CIMAP1D: variants seen among roughly 807,000 people sequenced by gnomAD.
CIMAP1D encodes protein CIMAP1D.
At chr19:464,230 TAGGGGC>T in the CIMAP1D span, 37 of 1,523,886 alleles carry the variant, frequency 2.4e-5, no homozygotes, top group Non-Finnish European at 3.3e-5. Context: ...GTGTAGGCAT[TAGGGGC>T]AGGGGCTGAG....
At chr19:474,561 C>G in the CIMAP1D span, 1 of 1,407,814 alleles carries the variant, frequency 7.1e-7, no homozygotes, top group East Asian at 2.7e-5. Context: ...CCAGAAGCCC[C>G]AGAAGTATGG....
At chr19:479,573 T>C in the CIMAP1D span, among the ~76,000 whole-genome samples, 1 of 125,156 alleles carries the variant, frequency 8.0e-6, no homozygotes, top group African/African-American at 3.4e-5. Context: ...CCCGGCTAAT[T>C]TTTGTATTTT....
At chr19:466,781 ATTG>A in the CIMAP1D span, among the ~76,000 whole-genome samples, 1 of 102,990 alleles carries the variant, frequency 9.7e-6, no homozygotes, top group Non-Finnish European at 1.9e-5. Context: ...GGATGAGTGG[ATTG>A]ATGGATGGGT....
chr19:489,648 C>T, the CIMAP1D span: 373 of 183,442 alleles, frequency 2.0e-3, 1 homozygote, highest in Non-Finnish European at 3.7e-3. Context: ...CCGTGCAGGC[C>T]AGGATCTCCC....
At chr19:478,973 C>CA in the CIMAP1D span, among the ~76,000 whole-genome samples, 2 of 152,338 alleles carry the variant, frequency 1.3e-5, no homozygotes, top group South Asian at 4.1e-4. Flanking sequence ...TGGAGACAGG[C>CA]AGGCAGATAA....
the CIMAP1D span, chr19:467,783 T>C: frequency 6.8e-7 from 1 of 1,470,538 alleles, no homozygotes; most frequent in Non-Finnish European, 9.3e-7. Flanking sequence ...GAGCCCAGAG[T>C]GCTGAGAGTG....
chr19:469,934 C>A, the CIMAP1D span, among the ~76,000 whole-genome samples: 3 of 151,556 alleles, frequency 2.0e-5, no homozygotes, highest in African/African-American at 7.3e-5. Flanking sequence ...ATGAACACAC[C>A]CCAGCTCATC....
the CIMAP1D span, chr19:490,312 C>CACCA: frequency 3.9e-6 from 1 of 257,234 alleles, no homozygotes; most frequent in Non-Finnish European, 7.3e-6. Context: ...GCCGAGATAG[C>CACCA]ACCACTGTAC....
the CIMAP1D span, among the ~76,000 whole-genome samples, chr19:465,802 T>C: frequency 2.3e-5 from 3 of 129,368 alleles, no homozygotes; most frequent in African/African-American, 8.7e-5. Flanking sequence ...GATGGGTAGG[T>C]GGGTGGATGG....
chr19:464,000 G>A, the CIMAP1D span: 10,054 of 1,608,644 alleles, frequency 6.2e-3, 62 homozygotes, highest in South Asian at 0.017. Context: ...CGCCAGGGCC[G>A]GGGGTCTCCT....
chr19:475,012 A>C, the CIMAP1D span: 1 of 369,644 alleles, frequency 2.7e-6, no homozygotes. Flanking sequence ...TGGTCCAGGA[A>C]AGAGTCCGGT....
the CIMAP1D span, among the ~76,000 whole-genome samples, chr19:480,246 AGAG>A: frequency 2.0e-5 from 3 of 152,242 alleles, no homozygotes; most frequent in East Asian, 1.9e-4. Context: ...AGCAAGGAGA[AGAG>A]GAGCCGGGAG....
At chr19:464,112 A>T in the CIMAP1D span, 2 of 1,101,614 alleles carry the variant, frequency 1.8e-6, no homozygotes, top group African/African-American at 3.8e-5. Context: ...CGGGCCTGGT[A>T]TCTCAGCAGG....
the CIMAP1D span, among the ~76,000 whole-genome samples, chr19:481,442 G>A: frequency 2.3e-5 from 2 of 87,984 alleles, no homozygotes; most frequent in Non-Finnish European, 4.7e-5. Flanking sequence ...TGATGGGGAA[G>A]GATGATGGGG....
At chr19:479,399 T>C in the CIMAP1D span, among the ~76,000 whole-genome samples, 1 of 40,404 alleles carries the variant, frequency 2.5e-5, no homozygotes, top group Non-Finnish European at 4.4e-5. Context: ...TCTTTTTCTC[T>C]TTTTTTTTTT....
the CIMAP1D span, among the ~76,000 whole-genome samples, chr19:472,085 C>T: frequency 6.6e-6 from 1 of 152,226 alleles, no homozygotes; most frequent in Non-Finnish European, 1.5e-5. Flanking sequence ...TTGCAAAGCA[C>T]TTAAGCAATT....
chr19:469,236 T>C, the CIMAP1D span, among the ~76,000 whole-genome samples: 4 of 151,436 alleles, frequency 2.6e-5, no homozygotes, highest in Admixed American at 1.3e-4. Flanking sequence ...TTTTTTTTTT[T>C]TGAGGGAGTG....
chr19:474,445 C>T, the CIMAP1D span, among the ~76,000 whole-genome samples: 5 of 151,744 alleles, frequency 3.3e-5, no homozygotes, highest in East Asian at 2.0e-4. Context: ...TCGGGGCTCA[C>T]GGCAACCCCG....
the CIMAP1D span, among the ~76,000 whole-genome samples, chr19:480,433 G>A: frequency 2.0e-5 from 3 of 152,074 alleles, no homozygotes; most frequent in Non-Finnish European, 4.4e-5. Context: ...GATGAGGATG[G>A]ATGACAGGAA....
Sources: allele counts gnomAD v4.1 joint callset (sites outside exome capture counted in the v4.1 genomes callset), GRCh38; gene constraint gnomAD v4.1.1; transcripts MANE v1.5; gene names NCBI Gene and HGNC (gene_info 2026-07-23, HGNC 2026-07-21).